Variants in INPP4B observed in about 807,000 individuals in gnomAD.
INPP4B encodes inositol polyphosphate 4-phosphatase type II.
INPP4B carries 55 observed loss-of-function variants against 122.5 expected under a neutral mutation model. The observed-to-expected ratio is 0.45, with a 90% CI of 0.36 to 0.56. INPP4B has a LOEUF of 0.56. Ranked by LOEUF, INPP4B falls within the 20% of genes least tolerant of loss-of-function variation. The pLI, the probability that INPP4B is intolerant of heterozygous loss-of-function variation, is 0.00. For synonymous variants in INPP4B, 403 were observed against 388.7 expected, an observed-to-expected ratio of 1.04 and a Z score of -0.43; for missense variants, 1,000 against 1,097.7, an observed-to-expected ratio of 0.91 and a Z score of 1.26.
At chr4:142,812,517 CA>C (rs1580977000) in intron 1 of INPP4B, among the ~76,000 whole-genome samples, 1 of 152,028 alleles carries the variant, frequency 6.6e-6, no homozygotes, top group African/African-American at 2.4e-5. Flanking sequence ...CCATCCTTAC[CA>C]AAATGTTTGT....
At chr4:142,507,796 C>A (rs1246766437) in intron 2 of INPP4B, among the ~76,000 whole-genome samples, 1 of 152,094 alleles carries the variant, frequency 6.6e-6, no homozygotes, top group African/African-American at 2.4e-5. Context: ...CAACACCAGA[C>A]CCCTCCATAG....
chr4:142,602,972 A>G (rs966345593), intron 2 of INPP4B, among the ~76,000 whole-genome samples: 11 of 152,292 alleles, frequency 7.2e-5, no homozygotes, highest in African/African-American at 2.4e-4. Context: ...AAGCCCATCA[A>G]TGATAGACTG....
intron 2 of INPP4B, among the ~76,000 whole-genome samples, chr4:142,720,766 T>TATATATATA (rs1560996446): frequency 7.2e-3 from 86 of 11,988 alleles, no homozygotes; most frequent in Middle Eastern, 0.056. Context: ...ATATAATCTC[T>TATATATATA]CTCTCTCTCT....
intron 23 of INPP4B, among the ~76,000 whole-genome samples, chr4:142,093,723 C>A (rs1315968457): frequency 2.0e-5 from 3 of 152,206 alleles, no homozygotes; most frequent in Non-Finnish European, 4.4e-5. Context: ...AAAACTCCAC[C>A]AAAACCAGCT....
intron 23 of INPP4B, among the ~76,000 whole-genome samples, chr4:142,088,605 G>A (rs1432208132): frequency 6.6e-6 from 1 of 152,082 alleles, no homozygotes; most frequent in African/African-American, 2.4e-5. Context: ...TATTAACAGT[G>A]GCCATCTTTA....
chr4:142,064,847 C>G (rs1277966763), intron 25 of INPP4B, among the ~76,000 whole-genome samples: 3 of 152,060 alleles, frequency 2.0e-5, no homozygotes, highest in African/African-American at 4.8e-5. Flanking sequence ...AACAAAAGAA[C>G]AGTCAAAGTG....
chr4:142,129,294 G>A (rs1236685274), intron 18 of INPP4B, among the ~76,000 whole-genome samples: 1 of 152,084 alleles, frequency 6.6e-6, no homozygotes, highest in Non-Finnish European at 1.5e-5. Context: ...GTTCATGGTT[G>A]GGGGCTTGTT....
chr4:142,466,671 A>C (rs1313791992), intron 2 of INPP4B, among the ~76,000 whole-genome samples: 1 of 152,210 alleles, frequency 6.6e-6, no homozygotes, highest in African/African-American at 2.4e-5. Flanking sequence ...AAGGGAGCCA[A>C]GTGCAAATAT....
intron 3 of INPP4B, among the ~76,000 whole-genome samples, chr4:142,432,830 T>A (rs796439173): frequency 2.0e-5 from 3 of 152,236 alleles, no homozygotes; most frequent in African/African-American, 7.2e-5. Context: ...AAGGAGGCAG[T>A]ATGATGAATC....
At chr4:142,754,833 T>C (rs958561906) in intron 1 of INPP4B, among the ~76,000 whole-genome samples, 1 of 152,024 alleles carries the variant, frequency 6.6e-6, no homozygotes, top group Non-Finnish European at 1.5e-5. Flanking sequence ...CTCTGATCCA[T>C]AGGCTTTTTG....
At chr4:142,034,949 A>G (rs1742906686) in intron 25 of INPP4B, among the ~76,000 whole-genome samples, 1 of 152,090 alleles carries the variant, frequency 6.6e-6, no homozygotes, top group African/African-American at 2.4e-5. Flanking sequence ...CCTGGAACAC[A>G]CACACACACA....
chr4:142,200,500 A>G (rs1163925590), intron 14 of INPP4B, among the ~76,000 whole-genome samples: 1 of 152,072 alleles, frequency 6.6e-6, no homozygotes, highest in Non-Finnish European at 1.5e-5. Flanking sequence ...TACGTGTCCT[A>G]TAGTAATTAT....
At chr4:142,581,149 T>C (rs1734964570) in intron 2 of INPP4B, among the ~76,000 whole-genome samples, 1 of 152,020 alleles carries the variant, frequency 6.6e-6, no homozygotes, top group Admixed American at 6.6e-5. Flanking sequence ...CAGAGAAAAA[T>C]GCATCAGGTT....
At chr4:142,079,971 AT>A (rs1231562854) in intron 25 of INPP4B, among the ~76,000 whole-genome samples, 12 of 152,064 alleles carry the variant, frequency 7.9e-5, no homozygotes, top group African/African-American at 2.4e-4. Context: ...TGATTTTTTA[AT>A]TTTTTTAACC....
At chr4:142,744,435 T>C (rs1472839924) in intron 1 of INPP4B, among the ~76,000 whole-genome samples, 1 of 151,780 alleles carries the variant, frequency 6.6e-6, no homozygotes, top group Admixed American at 6.6e-5. Context: ...AATCAACTTA[T>C]AGGATCCAGA....
chr4:142,622,511 C>T (rs1745183550), intron 2 of INPP4B, among the ~76,000 whole-genome samples: 1 of 151,862 alleles, frequency 6.6e-6, no homozygotes. Context: ...CACTTCAGTC[C>T]TTCTAAATGA....
At chr4:142,050,296 C>A (rs946226872) in intron 25 of INPP4B, among the ~76,000 whole-genome samples, 2 of 151,800 alleles carry the variant, frequency 1.3e-5, no homozygotes, top group African/African-American at 4.8e-5. Flanking sequence ...TAAAATTTAC[C>A]AGGTTTCTTA....
intron 1 of INPP4B, among the ~76,000 whole-genome samples, chr4:142,786,758 G>T (rs1775819618): frequency 6.6e-6 from 1 of 152,080 alleles, no homozygotes; most frequent in Admixed American, 6.6e-5. Context: ...TAAAAGCATA[G>T]CTGCTGTATA....
intron 14 of INPP4B, among the ~76,000 whole-genome samples, chr4:142,199,915 C>A (rs979866320): frequency 2.0e-5 from 3 of 152,036 alleles, no homozygotes; most frequent in Admixed American, 6.6e-5. Flanking sequence ...TAGTAAAAAT[C>A]TGGGGGAACA....
Sources: allele counts gnomAD v4.1 joint callset (sites outside exome capture counted in the v4.1 genomes callset), GRCh38; gene constraint gnomAD v4.1.1; transcripts MANE v1.5; gene names NCBI Gene and HGNC (gene_info 2026-07-23, HGNC 2026-07-21).